Variants in FAT1 observed in about 807,000 individuals in gnomAD.
FAT1 encodes protocadherin Fat 1.
FAT1 carries 171 observed loss-of-function variants against 329.8 expected under a neutral mutation model. The observed-to-expected ratio is 0.52, with a 90% CI of 0.46 to 0.59. FAT1 has a LOEUF of 0.59. Ranked by LOEUF, FAT1 falls within the 20% of genes least tolerant of loss-of-function variation. FAT1 has a pLI of 0.00. For missense variants in FAT1, 5,672 were observed against 5,774.4 expected (o/e 0.98, Z 0.57); for synonymous variants, 2,233 against 2,228.6 (o/e 1.00, Z -0.06).
rs201582617 is a variant in FAT1 at position 186,708,429 on chromosome 4, C to A, written c.1399G>T (p.Ala467Ser). 407 of 1,614,024 alleles carry A rather than the reference C, an allele frequency of 2.5e-4. 1 individual carries two copies. In the African/African-American group the frequency reaches 5.1e-3, roughly 20 times the overall value. The change falls in exon 2 of 27, where the codon GCG becomes TCG. Residue 467 changes from alanine (A) to serine (S), a missense_variant. Physicochemically the swap from Ala to Ser is moderately conservative, Grantham distance 99. Coordinates refer to ENST00000441802, the MANE Select transcript of FAT1 (RefSeq NM_005245.4). ...TTCTCATCAAAAGCAGCTTTGTACG[C>A]TGTCTGGGTAAATTCAGGGGGATTG... ...NSNPPEFTQT[A>S]YKAAFDENVP...
At position 186,618,298 on chromosome 4, in the gene FAT1, T is replaced by C; in HGVS notation, c.8288A>G (p.Glu2763Gly). Residue 2763 changes from glutamate to glycine, a missense_variant, in exon 10 of 27, where the codon GAG becomes GGG. Transcript: ENST00000441802. ...IDRQSGRLKLEKSLDHETTKW... is the reference protein window; with the variant it reads ...IDRQSGRLKLGKSLDHETTKW... ...AGTTGTCTCATGATCAAGACTCTTC[T>C]CCAACTTCAGTCTCCCGCTCTGTCT... is the stretch of plus-strand genomic sequence containing the variant. The C allele has an allele frequency of 6.2e-7, 1 of 1,614,028 alleles. No individual in the cohort carries two copies. The highest frequency in any genetic ancestry group is 8.5e-7 in the Non-Finnish European group (1 of 1,179,894).
intron 2 of FAT1, among the ~76,000 whole-genome samples, chr4:186,668,284 G>A (rs768607563): frequency 3.3e-5 from 5 of 152,132 alleles, no homozygotes; most frequent in Non-Finnish European, 5.9e-5. Flanking sequence ...TCAAAACCCC[G>A]AAGCTTCCCA....
rs373932048 is a variant in FAT1 at position 186,709,044 on chromosome 4, A to G, written c.784T>C (p.Leu262=). The change falls in exon 2 of 27, where the codon TTG becomes CTG. Residue 262 remains leucine (L), a synonymous_variant. Transcript: ENST00000441802. ...TCCCTGTCCAGTTCTGATGGTGACA[A>G]TGTCACTGCTGTTATCACCGGAGCA... ...ECAPVITAVT[L]SPSELDRDPA... is the part of the protein sequence containing the mutation. 7.4e-6 allele frequency: 12 copies of G among 1,613,802 alleles called. No individual in the cohort carries two copies. The highest frequency in any genetic ancestry group is 1.3e-5 in the African/African-American group (1 of 74,896).
At chr4:186,697,066 G>T (rs1409002368) in intron 2 of FAT1, among the ~76,000 whole-genome samples, 1 of 152,212 alleles carries the variant, frequency 6.6e-6, no homozygotes, top group South Asian at 2.1e-4. Context: ...AATTCTGTCT[G>T]CCAAGGGAGC....
At chr4:186,687,259 T>G (rs1006807887) in intron 2 of FAT1, among the ~76,000 whole-genome samples, 6 of 152,152 alleles carry the variant, frequency 3.9e-5, no homozygotes, top group Non-Finnish European at 8.8e-5. Flanking sequence ...CTGACTGAAT[T>G]AGTATTTTCC....
intron 12 of FAT1, among the ~76,000 whole-genome samples, chr4:186,613,776 T>TA (rs1739576672): frequency 6.6e-6 from 1 of 152,222 alleles, no homozygotes; most frequent in South Asian, 2.1e-4. Flanking sequence ...TTAAAATAAA[T>TA]AAAATCCCAT....
intron 2 of FAT1, among the ~76,000 whole-genome samples, chr4:186,664,434 A>C (rs1742336066): frequency 6.6e-6 from 1 of 152,228 alleles, no homozygotes; most frequent in African/African-American, 2.4e-5. Context: ...TTAAATACAC[A>C]AGTGAAATAT....
Position 186,619,483 on chromosome 4 carries a change from G to T in FAT1, c.7103C>A (p.Pro2368His), listed in dbSNP as rs2126506022. 6.2e-7 allele frequency: 1 copy of T among 1,613,900 alleles called. No homozygotes were observed. The change falls in exon 10 of 27, where the codon CCC becomes CAC. Residue 2368 changes from proline (P) to histidine (H), a missense_variant. Pro to His is a moderately conservative substitution (Grantham distance 77, BLOSUM62 -2). Around this residue, in one of 2 missense-constraint regions of FAT1, gnomAD observed 3,966 missense variants for 3,915.2 expected, o/e 1.01. Coordinates refer to ENST00000441802, the MANE Select transcript of FAT1 (RefSeq NM_005245.4). ...GACAATCACATCACTGCTCAGCGTG[G>T]GCATACCACCATCAACTGCCCTCAC... is the stretch of plus-strand genomic sequence containing the variant. ...IFVRAVDGGM[P>H]TLSSDVIVTV...
At chr4:186,631,724 G>A (rs1282805381) in intron 7 of FAT1, among the ~76,000 whole-genome samples, 1 of 150,844 alleles carries the variant, frequency 6.6e-6, no homozygotes, top group Non-Finnish European at 1.5e-5. Context: ...GTGTCTCACT[G>A]CCCAGGTGAC....
chr4:186,616,882 G>C (rs1361315369), intron 11 of FAT1, 123 bp downstream of exon 11: 1 of 826,518 alleles, frequency 1.2e-6, no homozygotes, highest in South Asian at 1.8e-5. Flanking sequence ...TAACACCTCT[G>C]CTTAATCAGT....
intron 2 of FAT1, among the ~76,000 whole-genome samples, chr4:186,667,051 A>C (rs965072356): frequency 6.6e-6 from 1 of 152,270 alleles, no homozygotes; most frequent in Admixed American, 6.5e-5. Flanking sequence ...TTCAGCAGGA[A>C]TGTATTAAAT....
Position 186,621,644 on chromosome 4 carries a change from T to C in FAT1, c.4942A>G (p.Ser1648Gly), listed in dbSNP as rs2126527210. Residue 1648 changes from serine to glycine, a missense_variant, in exon 10 of 27, where the codon AGT (serine) becomes GGT (glycine). Around this residue, in one of 2 missense-constraint regions of FAT1, gnomAD observed 3,966 missense variants for 3,915.2 expected, o/e 1.01. Transcript: ENST00000441802. The part of the protein sequence containing the change: ...KATDKGSPPM[S>G]EITSVRIFVT... ...AAGATACGCACAGAAGTTATTTCAC[T>C]CATTGGTGGACTGCCCTTATCTGTA... The C allele has an allele frequency of 6.2e-7, 1 of 1,614,034 alleles. No individual in the cohort carries two copies. The highest frequency in any genetic ancestry group is 8.5e-7 in the Non-Finnish European group (1 of 1,179,904).
intron 17 of FAT1, 48 bp from the exon 18 acceptor site, chr4:186,604,622 CA>C: frequency 7.7e-7 from 1 of 1,300,728 alleles, no homozygotes; most frequent in Non-Finnish European, 1.1e-6. Context: ...GGAACACAGC[CA>C]AATCTATATG....
In FAT1 at chr4:186,663,571, G is replaced by C. The variant is rs570356471; in HGVS notation, c.3308C>G (p.Ser1103Cys). The C allele has an allele frequency of 1.9e-6, 3 of 1,611,958 alleles. No individual in the cohort carries two copies. Among genetic ancestry groups the C allele is most frequent in the Non-Finnish European group, 2.5e-6 (3 of 1,179,864 alleles). The change falls in exon 3 of 27, where the codon TCC becomes TGC. Residue 1103 changes from serine to cysteine, a missense_variant. By Grantham distance (112) the Ser-to-Cys change is moderately radical. Coordinates refer to ENST00000441802, the MANE Select transcript of FAT1 (RefSeq NM_005245.4). Reference protein sequence around the residue: ...TSDRLDRESTSHYWLTVFATD... With the variant: ...TSDRLDRESTCHYWLTVFATD... ...TGCAAAGACTGTTAGCCAATAATGG[G>C]AGGTCGATTCACGGTCCAGTCGATC...
chr4:186,636,994 G>T (rs935406516), intron 4 of FAT1, 80 bp from the exon 5 acceptor site: 3 of 1,272,602 alleles, frequency 2.4e-6, no homozygotes, highest in Non-Finnish European at 3.3e-6. Flanking sequence ...ATGCTACTCC[G>T]CATGTGTGTA....
intron 14 of FAT1, among the ~76,000 whole-genome samples, chr4:186,610,976 C>G (rs1274852965): frequency 6.6e-6 from 1 of 151,808 alleles, no homozygotes; most frequent in Admixed American, 6.6e-5. Flanking sequence ...CAGAAGCCCA[C>G]TACAGAAACT....
chr4:186,646,384 C>T (rs1487587391), intron 3 of FAT1, among the ~76,000 whole-genome samples: 4 of 152,174 alleles, frequency 2.6e-5, no homozygotes, highest in East Asian at 1.9e-4. Context: ...CAGCCATACA[C>T]GTTCTAGAAA....
At chr4:186,602,558 C>A (rs544473734) in intron 20 of FAT1, among the ~76,000 whole-genome samples, 5 of 152,296 alleles carry the variant, frequency 3.3e-5, no homozygotes, top group Non-Finnish European at 5.9e-5. Flanking sequence ...CTTTACCATA[C>A]TGCTAAGTGG....
At chr4:186,590,033 T>C (rs1738159935) in intron 26 of FAT1, among the ~76,000 whole-genome samples, 1 of 152,162 alleles carries the variant, frequency 6.6e-6, no homozygotes, top group African/African-American at 2.4e-5. Context: ...TGCAAGATTA[T>C]AACACAGCCT....
Sources: allele counts gnomAD v4.1 joint callset (sites outside exome capture counted in the v4.1 genomes callset), GRCh38; gene constraint gnomAD v4.1.1; regional missense constraint gnomAD v4.1.1; transcripts MANE v1.5; gene names NCBI Gene and HGNC (gene_info 2026-07-23, HGNC 2026-07-21).